THSD7B: variants seen among roughly 807,000 people sequenced by gnomAD.
THSD7B encodes the protein thrombospondin type 1 domain containing 7B.
Under a neutral mutation model 213.6 loss-of-function variants are expected in THSD7B, and 138 were observed. The observed-to-expected ratio is 0.65, with a 90% CI of 0.56 to 0.74. The LOEUF is 0.74. THSD7B is among the 30% of genes least tolerant of loss of function. The pLI, the probability that THSD7B is intolerant of heterozygous loss-of-function variation, is 0.00. For missense variants in THSD7B, 1,931 were observed against 1,991.5 expected, an observed-to-expected ratio of 0.97 and a Z score of 0.58; for synonymous variants, 742 against 687.0, an observed-to-expected ratio of 1.08 and a Z score of -1.25.
intron 19 of THSD7B, among the ~76,000 whole-genome samples, chr2:137,619,584 A>G (rs1476088431): frequency 2.0e-5 from 3 of 151,820 alleles, no homozygotes; most frequent in African/African-American, 4.8e-5. Flanking sequence ...TGTTTCAGGG[A>G]AAAAAAATCA....
At chr2:137,313,609 C>A (rs998801510) in intron 12 of THSD7B, among the ~76,000 whole-genome samples, 33 of 151,632 alleles carry the variant, frequency 2.2e-4, no homozygotes, top group African/African-American at 8.0e-4. Context: ...TCTCGATGGT[C>A]TTTACATTTT....
At chr2:137,373,426 A>T (rs1489131639) in intron 12 of THSD7B, among the ~76,000 whole-genome samples, 1 of 152,056 alleles carries the variant, frequency 6.6e-6, no homozygotes, top group Non-Finnish European at 1.5e-5. Context: ...TGTGGTTTTG[A>T]TTTGCATTTC....
chr2:137,553,453 A>C (rs902847855), intron 15 of THSD7B, among the ~76,000 whole-genome samples: 3 of 152,146 alleles, frequency 2.0e-5, no homozygotes, highest in African/African-American at 7.2e-5. Flanking sequence ...AGTTAAATTG[A>C]TCAATTACAA....
intron 12 of THSD7B, among the ~76,000 whole-genome samples, chr2:137,283,280 C>T (rs1409505283): frequency 6.6e-6 from 1 of 152,134 alleles, no homozygotes; most frequent in African/African-American, 2.4e-5. Flanking sequence ...GCTGAAGTTG[C>T]TTATCATTTT....
intron 1 of THSD7B, among the ~76,000 whole-genome samples, chr2:136,818,412 G>T (rs893557061): frequency 7.7e-4 from 115 of 149,594 alleles, no homozygotes; most frequent in Admixed American, 4.1e-3. Flanking sequence ...TGGGGGGAGT[G>T]GGGAGGGATA....
intron 17 of THSD7B, among the ~76,000 whole-genome samples, chr2:137,576,804 C>G (rs368271884): frequency 8.5e-4 from 128 of 150,910 alleles, no homozygotes; most frequent in Non-Finnish European, 1.4e-3. Flanking sequence ...CACCCCCCCC[C>G]CTTTTTTTAA....
chr2:137,157,686 A>G (rs1679937016), intron 5 of THSD7B, among the ~76,000 whole-genome samples: 2 of 152,206 alleles, frequency 1.3e-5, no homozygotes, highest in Admixed American at 1.3e-4. Flanking sequence ...TCCCAGGTCC[A>G]CTGCTCACTA....
At chr2:136,921,817 C>T (rs1684443033) in intron 2 of THSD7B, among the ~76,000 whole-genome samples, 1 of 152,276 alleles carries the variant, frequency 6.6e-6, no homozygotes, top group African/African-American at 2.4e-5. Flanking sequence ...CAAATTCACT[C>T]TCCCTAGATT....
At position 137,512,212 on chromosome 2, in the gene THSD7B, A is replaced by G. The variant is rs1448898674; in HGVS notation, c.3139-51009A>G. ...TGTATTCAGGGTGATATGGCCATAG[A>G]GCAATTTTAAACTTGCTTTCTAAAC... On this transcript the variant is annotated intron_variant, in intron 15 of 27. Transcript: ENST00000409968. 2.6e-5 allele frequency: 4 copies of G among 152,058 alleles called. No homozygotes were observed. In the East Asian group the frequency reaches 5.8e-4, roughly 22 times the overall value. 9.4% of individuals were successfully genotyped at this position (152,058 alleles called of 1,614,324 possible). A position where few individuals can be genotyped will look rare whatever the true frequency, so the allele number is the denominator to read the frequency against.
chr2:137,093,266 G>A (rs1018264682), intron 3 of THSD7B, among the ~76,000 whole-genome samples: 8 of 139,870 alleles, frequency 5.7e-5, no homozygotes, highest in Non-Finnish European at 1.2e-4. Context: ...TTGTATCTAC[G>A]TTCCTCCTCG....
At chr2:137,421,960 A>T (rs150805216) in intron 14 of THSD7B, among the ~76,000 whole-genome samples, 12 of 152,362 alleles carry the variant, frequency 7.9e-5, no homozygotes, top group African/African-American at 2.9e-4. Context: ...TAGCATTTGC[A>T]CATTCCAAGG....
intron 2 of THSD7B, among the ~76,000 whole-genome samples, chr2:137,009,773 G>A (rs74593113): frequency 0.014 from 2,105 of 152,020 alleles, 47 homozygotes; most frequent in African/African-American, 0.047. Context: ...GGAATTATCC[G>A]GGGCTACAAT....
At position 137,136,279 on chromosome 2, in the gene THSD7B, T is replaced by C. The variant is rs556306646; in HGVS notation, c.1369+20986T>C. 1.1e-4 allele frequency among the ~76,000 whole-genome samples: 17 copies of C among 152,254 alleles called. No homozygotes were observed. The East Asian group carries it at 3.1e-3, about 28-fold the overall frequency. ...CAAACCTGCACATTCTTTACTTGTA[T>C]CCCAGAACTTAAAGAATAATAAAAT... is the stretch of plus-strand genomic sequence containing the variant. On this transcript the variant is annotated intron_variant, in intron 5 of 27. Transcript: ENST00000409968.
chr2:137,491,310 T>G (rs1323354262), intron 15 of THSD7B, among the ~76,000 whole-genome samples: 2 of 152,204 alleles, frequency 1.3e-5, no homozygotes, highest in Non-Finnish European at 2.9e-5. Context: ...AGGAAATACA[T>G]TCACCTTTGT....
chr2:136,954,553 A>G (rs1685092023), intron 2 of THSD7B, among the ~76,000 whole-genome samples: 1 of 151,922 alleles, frequency 6.6e-6, no homozygotes, highest in Non-Finnish European at 1.5e-5. Flanking sequence ...CGTCTCTACT[A>G]AAAATACAAA....
rs116986647 is a variant in THSD7B at position 137,431,941 on chromosome 2, G to A, written c.2960-18904G>A. ...ATTTTTATTTGAGATGGTTATGGAAGAATCTGCTTAAACCTACTTCCTGAC... is the reference window on the plus strand; with the variant it reads ...ATTTTTATTTGAGATGGTTATGGAAAAATCTGCTTAAACCTACTTCCTGAC... On this transcript the variant is annotated intron_variant, in intron 14 of 27. Coordinates refer to ENST00000409968, the MANE Select transcript of THSD7B (RefSeq NM_001316349.2). Among the ~76,000 whole-genome samples, 23 of 152,242 alleles carry A rather than the reference G, an allele frequency of 1.5e-4. No homozygotes were observed. The East Asian group carries it at 3.9e-3, about 26-fold the overall frequency.
chr2:137,089,324 ATG>A (rs1328315016), intron 3 of THSD7B, among the ~76,000 whole-genome samples: 9 of 146,750 alleles, frequency 6.1e-5, no homozygotes, highest in South Asian at 2.1e-4. Context: ...ATATACATAT[ATG>A]TGTGTGTATA....
At chr2:137,461,899 G>T (rs1337503392) in intron 15 of THSD7B, among the ~76,000 whole-genome samples, 1 of 151,990 alleles carries the variant, frequency 6.6e-6, no homozygotes, top group Non-Finnish European at 1.5e-5. Flanking sequence ...CATGTCCTCA[G>T]GTTGATCATA....
At chr2:137,504,499 G>A (rs1177377370) in intron 15 of THSD7B, among the ~76,000 whole-genome samples, 4 of 152,106 alleles carry the variant, frequency 2.6e-5, no homozygotes, top group Non-Finnish European at 5.9e-5. Flanking sequence ...GTCCAAAATA[G>A]CAGCAAGTCT....
Sources: allele counts gnomAD v4.1 joint callset (sites outside exome capture counted in the v4.1 genomes callset), GRCh38; gene constraint gnomAD v4.1.1; transcripts MANE v1.5; gene names NCBI Gene and HGNC (gene_info 2026-07-23, HGNC 2026-07-21).